The following MYH14 variants were observed in gnomAD, a reference collection of about 807,000 sequenced individuals.
MYH14 encodes myosin heavy chain 14.
A neutral mutation model predicts 255.5 loss-of-function variants in MYH14; 123 were observed. The ratio of observed to expected loss-of-function variants is 0.48; its 90% CI spans 0.42 to 0.56. The LOEUF (loss-of-function observed/expected upper bound fraction) is 0.56, where lower values mean the gene tolerates loss of function less well. Among genes scored for constraint, MYH14 ranks in the 20% least tolerant of loss-of-function variants. MYH14 has a pLI of 0.00. For synonymous variants in MYH14, 1,095 were observed against 1,161.2 expected (o/e 0.94, Z 1.16); for missense variants, 2,423 against 2,802.3 (o/e 0.86, Z 3.06).
intron 15 of MYH14, among the ~76,000 whole-genome samples, chr19:50,251,797 C>G (rs145465932): frequency 6.6e-6 from 1 of 152,102 alleles, no homozygotes; most frequent in Non-Finnish European, 1.5e-5. Flanking sequence ...AGGCTGCTCT[C>G]GAACTCCTGA....
In MYH14 at chr19:50,280,492, C is replaced by T. The variant is rs1008814678; in HGVS notation, c.4290+109C>T. Reference sequence around the variant, plus strand: ...GCTGCCCACCTTCTCATAGGCCAGACCCATGGGTGCCTTTCTCATCTCTGA... The same window carrying T: ...GCTGCCCACCTTCTCATAGGCCAGATCCATGGGTGCCTTTCTCATCTCTGA... On this transcript the variant is annotated intron_variant, in intron 32 of 42. Transcript: ENST00000642316. The surrounding 1 kb of genome is among the most constrained non-coding windows in gnomAD (Gnocchi z 4.8). The T allele has an allele frequency of 3.4e-6, 4 of 1,181,634 alleles. No homozygotes were observed. Among genetic ancestry groups the T allele is most frequent in the South Asian group, 1.6e-5 (1 of 62,270 alleles). 73.2% of individuals were successfully genotyped at this position (1,181,634 alleles called of 1,614,324 possible). A position where few individuals can be genotyped will look rare whatever the true frequency, so the allele number is the denominator to read the frequency against.
chr19:50,269,581 C>T (rs187401142), intron 24 of MYH14, among the ~76,000 whole-genome samples: 171 of 152,246 alleles, frequency 1.1e-3, no homozygotes, highest in African/African-American at 3.9e-3. Context: ...GGGCACCAGA[C>T]AGGTGAGGGG....
At chr19:50,255,895 G>C (rs78555052) in intron 17 of MYH14, among the ~76,000 whole-genome samples, 23 of 150,436 alleles carry the variant, frequency 1.5e-4, no homozygotes, top group African/African-American at 5.6e-4. Context: ...TCTAGTTGAC[G>C]GTTGATGGCG....
chr19:50,229,256 G>C (rs1224160847), intron 8 of MYH14, among the ~76,000 whole-genome samples: 1 of 152,150 alleles, frequency 6.6e-6, no homozygotes, highest in East Asian at 1.9e-4. Context: ...AGCTGATCTT[G>C]GTCCAAATAT....
In MYH14 at chr19:50,280,459, AT is replaced by A; in HGVS notation, c.4290+77del. 7.0e-7 allele frequency: 1 copy of A among 1,418,624 alleles called. No homozygotes were observed. Among genetic ancestry groups the A allele is most frequent in the Non-Finnish European group, 9.4e-7 (1 of 1,067,738 alleles). The allele number at this position is 1,418,624 out of a possible 1,614,324, so 87.9% of individuals were successfully genotyped here. On this transcript the variant is annotated intron_variant, in intron 32 of 42. Transcript: ENST00000642316. This position sits in a 1 kb window ranked among gnomAD's most constrained non-coding sequence, Gnocchi z 4.8. ...TCCTCCTGGGTTCCCCAGCTCAGGG[AT>A]GGCCATGCTGCCCACCTTCTCATAG... is the stretch of plus-strand genomic sequence containing the variant.
chr19:50,270,983 T>C (rs994000641), intron 24 of MYH14, among the ~76,000 whole-genome samples: 1 of 152,222 alleles, frequency 6.6e-6, no homozygotes, highest in Admixed American at 6.5e-5. Flanking sequence ...CGTGAGCCAC[T>C]GCGCCTGACC....
At position 50,221,439 on chromosome 19, in the gene MYH14, A is replaced by G. The variant is rs1222033714; in HGVS notation, c.563-1644A>G. Among the ~76,000 whole-genome samples, 1 of 152,108 alleles carries G rather than the reference A, an allele frequency of 6.6e-6. No individual in the cohort carries two copies. The highest frequency in any genetic ancestry group is 6.5e-5 in the Admixed American group (1 of 15,272). On this transcript the variant is annotated intron_variant, in intron 3 of 42. Transcript: ENST00000642316. This position sits in a 1 kb window ranked among gnomAD's most constrained non-coding sequence, Gnocchi z 5.3. Reference sequence around the variant, plus strand: ...ACCCAGAGGATGCCTGTCCTGCTTAAAAAAACATTCAGACCCTTTGATCAT... The same window carrying G: ...ACCCAGAGGATGCCTGTCCTGCTTAGAAAAACATTCAGACCCTTTGATCAT...
chr19:50,272,748 G>C lies in MYH14; in HGVS notation c.3467+17G>C. The C allele has an allele frequency of 6.5e-7, 1 of 1,548,886 alleles. No homozygotes were observed. Among genetic ancestry groups the C allele is most frequent in the Non-Finnish European group, 8.7e-7 (1 of 1,146,690 alleles). ...CCTGGCCAGGTGCAGGGTGGGGTGG[G>C]CTTGGTGGGGTAAGCAGCATGGGTG... On this transcript the variant is annotated intron_variant, in intron 27 of 42. Coordinates refer to ENST00000642316, the MANE Select transcript of MYH14 (RefSeq NM_001145809.2).
chr19:50,212,502 A>G (rs2032251854), intron 2 of MYH14, among the ~76,000 whole-genome samples: 1 of 152,228 alleles, frequency 6.6e-6, no homozygotes, highest in Non-Finnish European at 1.5e-5. Flanking sequence ...CCTGATGTTC[A>G]GGATGTTAAG....
At position 50,307,092 on chromosome 19, in the gene MYH14, C is replaced by A. The variant is rs1272434745; in HGVS notation, c.5722C>A (p.Arg1908=). ...AAAGCTGGTGCGCAGAGCTGAGAAG[C>A]GGCTTAAAGAGGTGGTGCTCCAGGT... The part of the protein sequence containing the change: ...SGKLVRRAEK[R]LKEVVLQVEE... Residue 1908 remains arginine (R), a synonymous_variant, in exon 41 of 43, where the codon CGG becomes AGG. Transcript: ENST00000642316. The A allele has an allele frequency of 6.4e-7, 1 of 1,551,064 alleles. No homozygotes were observed. Among genetic ancestry groups the A allele is most frequent in the Admixed American group, 2.0e-5 (1 of 50,998 alleles).
rs764078299 is a variant in MYH14, at chr19:50,223,260, G to T, written c.604G>T (p.Ala202Ser). The change falls in exon 5 of 43, where the codon GCT (alanine) becomes TCT (serine). Residue 202 changes from alanine (A) to serine (S), a missense_variant. Transcript: ENST00000642316. ...QSILCTGESG[A>S]GKTENTKKVI... ...TCATCCCCACAGTGGAGAGTCTGGA[G>T]CTGGGAAGACGGAAAACACCAAGAA... The T allele has an allele frequency of 6.2e-7, 1 of 1,613,066 alleles. No homozygotes were observed. The highest frequency in any genetic ancestry group is 1.1e-5 in the South Asian group (1 of 90,984).
At chr19:50,235,499 C>T (rs1308403943) in intron 10 of MYH14, among the ~76,000 whole-genome samples, 1 of 151,540 alleles carries the variant, frequency 6.6e-6, no homozygotes, top group Non-Finnish European at 1.5e-5. Flanking sequence ...GTTAAATACT[C>T]AGCTTGTCAT....
At chr19:50,237,319 G>A (rs1172222033) in intron 10 of MYH14, among the ~76,000 whole-genome samples, 1 of 146,954 alleles carries the variant, frequency 6.8e-6, no homozygotes, top group Admixed American at 7.0e-5. Context: ...CCCAACTCAG[G>A]TGTGAACATT....
intron 36 of MYH14, among the ~76,000 whole-genome samples, chr19:50,291,980 AC>A (rs1326201561): frequency 2.6e-5 from 4 of 152,170 alleles, no homozygotes; most frequent in African/African-American, 9.7e-5. Flanking sequence ...TGTAATTCAA[AC>A]CCATGTCTAT....
Position 50,252,678 on chromosome 19 carries a change from G to A in MYH14, c.1870G>A (p.Asp624Asn). 6.2e-7 allele frequency: 1 copy of A among 1,601,586 alleles called. No individual in the cohort carries two copies. The highest frequency in any genetic ancestry group is 8.5e-7 in the Non-Finnish European group (1 of 1,174,430). Residue 624 changes from aspartate (D) to asparagine (N), a missense_variant, in exon 16 of 43, where the codon GAC (aspartate) becomes AAC (asparagine). This residue lies in a region of MYH14 where 672 missense variants were observed against 881.8 expected (regional missense o/e 0.76). Transcript: ENST00000642316. This position sits in a 1 kb window ranked among gnomAD's most constrained non-coding sequence, Gnocchi z 4.2. ...CAACGAGTGGCTGATGAAAAACATG[G>A]ACCCTCTGAATGACAACGTCGCAGC... is the stretch of plus-strand genomic sequence containing the variant. ...KANEWLMKNMDPLNDNVAALL... is the reference protein window; with the variant it reads ...KANEWLMKNMNPLNDNVAALL...
At chr19:50,259,961 T>C (rs541438304) in intron 19 of MYH14, among the ~76,000 whole-genome samples, 1 of 152,134 alleles carries the variant, frequency 6.6e-6, no homozygotes, top group Admixed American at 6.5e-5. Context: ...ATACAGCAAA[T>C]GTAACAAAAA....
Position 50,257,583 on chromosome 19 carries a change from T to A in MYH14, c.2232+97T>A, listed in dbSNP as rs1432701576. 2.4e-6 allele frequency: 3 copies of A among 1,238,744 alleles called. No homozygotes were observed. The African/African-American group carries it at 4.5e-5, about 18-fold the overall frequency. 76.7% of individuals were successfully genotyped at this position (1,238,744 alleles called of 1,614,324 possible). A position where few individuals can be genotyped will look rare whatever the true frequency, so the allele number is the denominator to read the frequency against. ...GGAGCCACATCTGATTCGAGGACCC[T>A]CAAATTAGCTGTGTGGCTTTGAGCA... On this transcript the variant is annotated intron_variant, in intron 18 of 42. Coordinates refer to ENST00000642316, the MANE Select transcript of MYH14 (RefSeq NM_001145809.2).
chr19:50,263,964 G>A (rs1239535758), intron 22 of MYH14, among the ~76,000 whole-genome samples: 1 of 145,690 alleles, frequency 6.9e-6, no homozygotes, highest in African/African-American at 2.5e-5. Flanking sequence ...GGCTGAGGCA[G>A]GAGAATCACT....
intron 12 of MYH14, 56 bp from the exon 13 acceptor site, chr19:50,248,931 G>A (rs780352278): frequency 6.5e-5 from 104 of 1,600,832 alleles, no homozygotes; most frequent in South Asian, 4.4e-4. Context: ...CACCCCCGAC[G>A]TCTTTCAGTC....
Sources: allele counts gnomAD v4.1 joint callset (sites outside exome capture counted in the v4.1 genomes callset), GRCh38; gene constraint gnomAD v4.1.1; regional missense constraint gnomAD v4.1.1; non-coding constraint Gnocchi (gnomAD v3.1); transcripts MANE v1.5; gene names NCBI Gene and HGNC (gene_info 2026-07-23, HGNC 2026-07-21).